ANO4: variants seen among roughly 807,000 people sequenced by gnomAD.
The protein encoded by ANO4 is anoctamin-4.
Under a neutral mutation model 141.9 loss-of-function variants are expected in ANO4, and 69 were observed. The observed-to-expected ratio is 0.49, with a 90% confidence interval of 0.40 to 0.59. ANO4 has a LOEUF of 0.59. Ranked by LOEUF, ANO4 falls within the 20% of genes least tolerant of loss-of-function variation. The probability of loss-of-function intolerance (pLI) is 0.00; values close to 1 mark genes in which losing one functional copy is unlikely to be tolerated. For synonymous variants in ANO4, 350 were observed against 394.3 expected, an observed-to-expected ratio of 0.89 and a Z score of 1.33; for missense variants, 894 against 1,162.2, an observed-to-expected ratio of 0.77 and a Z score of 3.36.
intron 22 of ANO4, among the ~76,000 whole-genome samples, chr12:101,106,884 T>G (rs1020431747): frequency 8.9e-6 from 1 of 112,502 alleles, no homozygotes; most frequent in Non-Finnish European, 1.7e-5. Flanking sequence ...TACAAGTCTC[T>G]TCCCTTGAAA....
chr12:100,978,995 T>G (rs534228712), intron 7 of ANO4, among the ~76,000 whole-genome samples: 1 of 151,024 alleles, frequency 6.6e-6, no homozygotes, highest in South Asian at 2.1e-4. Context: ...GCGAGGGGAG[T>G]GTATGGAATA....
chr12:100,773,608 A>G (rs1283305319), intron 3 of ANO4, among the ~76,000 whole-genome samples: 11 of 152,170 alleles, frequency 7.2e-5, no homozygotes, highest in African/African-American at 2.4e-4. Context: ...TCTCTGGGAA[A>G]ATCTCTGACC....
intron 22 of ANO4, 25 bp from the exon 23 acceptor site, chr12:101,110,379 C>G: frequency 6.3e-7 from 1 of 1,591,340 alleles, no homozygotes; most frequent in Non-Finnish European, 8.5e-7. Context: ...ATACTCTCTG[C>G]TCTTTTTCCT....
At chr12:100,988,771 T>G (rs941234427) in intron 8 of ANO4, among the ~76,000 whole-genome samples, 4 of 148,696 alleles carry the variant, frequency 2.7e-5, no homozygotes, top group Non-Finnish European at 4.4e-5. Context: ...CTCAGGAGGC[T>G]GAGGCAGGAG....
intron 7 of ANO4, among the ~76,000 whole-genome samples, chr12:100,976,847 A>T (rs959644890): frequency 6.6e-6 from 1 of 152,220 alleles, no homozygotes; most frequent in African/African-American, 2.4e-5. Flanking sequence ...TGGAAATATC[A>T]AGTTTGTACA....
chr12:100,903,015 C>T (rs757230756), intron 2 of ANO4, among the ~76,000 whole-genome samples: 5 of 152,194 alleles, frequency 3.3e-5, no homozygotes, highest in Non-Finnish European at 7.3e-5. Context: ...TAACACTGTA[C>T]CCTTTTCCCT....
intron 14 of ANO4, among the ~76,000 whole-genome samples, chr12:101,061,212 C>G (rs941886194): frequency 6.6e-6 from 1 of 152,132 alleles, no homozygotes; most frequent in South Asian, 2.1e-4. Context: ...TTGGCCCCCA[C>G]TCTCTTCTGG....
chr12:100,933,135 T>C (rs905579082), intron 3 of ANO4, among the ~76,000 whole-genome samples: 2 of 151,972 alleles, frequency 1.3e-5, no homozygotes, highest in African/African-American at 4.8e-5. Flanking sequence ...TTTTTAAAAT[T>C]ATATTTTAAG....
intron 1 of ANO4, among the ~76,000 whole-genome samples, chr12:100,856,609 G>A (rs2135871963): frequency 6.6e-6 from 1 of 152,258 alleles, no homozygotes; most frequent in South Asian, 2.1e-4. Flanking sequence ...TTGGCAAGAA[G>A]GATGAAGAGT....
At chr12:100,872,774 A>G (rs2039095668) in intron 1 of ANO4, among the ~76,000 whole-genome samples, 3 of 152,232 alleles carry the variant, frequency 2.0e-5, no homozygotes, top group Non-Finnish European at 2.9e-5. Context: ...TAATTATCAC[A>G]TCATAATCCA....
In ANO4 at chr12:101,004,715, C is replaced by T. The variant is rs78184587; in HGVS notation, c.735-15319C>T. Among the ~76,000 whole-genome samples the T allele has an allele frequency of 4.1e-4, 62 of 152,308 alleles. No homozygotes were observed. The East Asian group carries it at 0.011, about 27-fold the overall frequency. Reference sequence around the variant, plus strand: ...TGAACTTTAATCCTTTGGCTAAAGTCATCCTCAATTAAAATAAAAATGTCC... The same window carrying T: ...TGAACTTTAATCCTTTGGCTAAAGTTATCCTCAATTAAAATAAAAATGTCC... On this transcript the variant is annotated intron_variant, in intron 8 of 27. Coordinates refer to ENST00000392977, the MANE Select transcript of ANO4 (RefSeq NM_001286615.2).
intron 1 of ANO4, among the ~76,000 whole-genome samples, chr12:100,877,568 A>G (rs1479232677): frequency 6.6e-6 from 1 of 151,546 alleles, no homozygotes; most frequent in Non-Finnish European, 1.5e-5. Flanking sequence ...GGGAGGAGTC[A>G]TGAGTTTGGT....
chr12:100,807,748 T>C (rs2035149466), intron 1 of ANO4, among the ~76,000 whole-genome samples: 1 of 152,150 alleles, frequency 6.6e-6, no homozygotes, highest in Non-Finnish European at 1.5e-5. Context: ...TTGTTCCTCA[T>C]AGTGTGTCCA....
chr12:100,941,431 G>A (rs2042507101), intron 4 of ANO4, among the ~76,000 whole-genome samples: 1 of 152,160 alleles, frequency 6.6e-6, no homozygotes, highest in Non-Finnish European at 1.5e-5. Flanking sequence ...ATGGTATCAT[G>A]TGGTATGAAG....
chr12:101,095,175 A>G (rs1054729185), intron 18 of ANO4, among the ~76,000 whole-genome samples: 3 of 152,220 alleles, frequency 2.0e-5, no homozygotes, highest in Non-Finnish European at 4.4e-5. Flanking sequence ...CATCATTCTG[A>G]CAACAGATAG....
intron 15 of ANO4, among the ~76,000 whole-genome samples, chr12:101,082,446 C>T (rs1427621915): frequency 1.3e-5 from 2 of 152,146 alleles, no homozygotes; most frequent in Non-Finnish European, 2.9e-5. Flanking sequence ...CATGATTGGC[C>T]TTAGTTCTCG....
At chr12:101,092,955 T>C (rs1282687496) in intron 17 of ANO4, among the ~76,000 whole-genome samples, 1 of 152,236 alleles carries the variant, frequency 6.6e-6, no homozygotes, top group Non-Finnish European at 1.5e-5. Context: ...TGTAATGTTA[T>C]AATGCCTTCG....
In ANO4 at chr12:100,833,884, C is replaced by T. The variant is rs191574949; in HGVS notation, c.-141+38857C>T. Among the ~76,000 whole-genome samples, 15 of 152,186 alleles carry T rather than the reference C, an allele frequency of 9.9e-5. No homozygotes were observed. In the East Asian group the frequency reaches 1.7e-3, roughly 18 times the overall value. ...TTCTTCTCTGAGCCAAATAAGGAAA[C>T]GTATTTGTCCCTTAATAAATACTCT... On this transcript the variant is annotated intron_variant, in intron 1 of 27. Transcript: ENST00000392977.
intron 3 of ANO4, among the ~76,000 whole-genome samples, chr12:100,779,169 G>A (rs956976146): frequency 2.0e-5 from 3 of 152,210 alleles, no homozygotes; most frequent in Non-Finnish European, 4.4e-5. Flanking sequence ...CTGAGGTGGG[G>A]CTTAGTATTT....
Sources: gnomAD v4.1 joint callset for allele counts (sites outside exome capture counted in the v4.1 genomes callset) on GRCh38, gnomAD v4.1.1 for gene constraint, MANE v1.5 for transcripts, NCBI Gene and HGNC (gene_info 2026-07-23, HGNC 2026-07-21) for gene names.